Variants in SUGCT observed in about 807,000 individuals in gnomAD.
The protein encoded by SUGCT is succinyl-CoA:glutarate-CoA transferase, also known as succinyl-CoA:glutarate CoA-transferase.
In SUGCT, 41 loss-of-function variants were observed where a neutral mutation model predicts 55.0. The ratio of observed to expected loss-of-function variants is 0.74; its 90% CI spans 0.58 to 0.97. The LOEUF is 0.97. SUGCT is among the 50% of genes least tolerant of loss of function. The pLI, the probability that SUGCT is intolerant of heterozygous loss-of-function variation, is 0.00. For synonymous variants in SUGCT, 187 were observed against 200.4 expected (o/e 0.93, Z 0.56); for missense variants, 568 against 547.8 (o/e 1.04, Z -0.37).
intron 12 of SUGCT, among the ~76,000 whole-genome samples, chr7:40,623,376 A>G (rs1005988927): frequency 6.6e-6 from 1 of 152,220 alleles, no homozygotes; most frequent in Non-Finnish European, 1.5e-5. Context: ...GCTTTGGAAC[A>G]GGGAATTGTG....
At chr7:40,842,587 T>G (rs1005607398) in intron 13 of SUGCT, among the ~76,000 whole-genome samples, 4 of 152,216 alleles carry the variant, frequency 2.6e-5, no homozygotes, top group Non-Finnish European at 5.9e-5. Flanking sequence ...CTTCATTTAT[T>G]TGTTCATTTA....
At chr7:40,297,458 G>A (rs141455686) in intron 8 of SUGCT, among the ~76,000 whole-genome samples, 4 of 152,158 alleles carry the variant, frequency 2.6e-5, no homozygotes, top group African/African-American at 4.8e-5. Flanking sequence ...TGGCTGATTC[G>A]TAGAGTAGGC....
chr7:40,332,454 T>G (rs201597258), intron 9 of SUGCT, among the ~76,000 whole-genome samples: 3,074 of 125,240 alleles, frequency 0.025, 72 homozygotes, highest in African/African-American at 0.07. Flanking sequence ...TTTTTTTTTT[T>G]GTTTTTTTTT....
chr7:40,617,390 T>C (rs1303730740), intron 12 of SUGCT, among the ~76,000 whole-genome samples: 1 of 152,126 alleles, frequency 6.6e-6, no homozygotes, highest in Non-Finnish European at 1.5e-5. Context: ...TGTCTCCTTT[T>C]GACATATTTT....
chr7:40,947,484 G>A, the SUGCT span, among the ~76,000 whole-genome samples: 33 of 148,828 alleles, frequency 2.2e-4, no homozygotes, highest in African/African-American at 7.8e-4. Flanking sequence ...TTTTGCATGT[G>A]GGCCATACTT....
chr7:40,962,381 C>G, the SUGCT span, among the ~76,000 whole-genome samples: 7 of 152,132 alleles, frequency 4.6e-5, no homozygotes, highest in African/African-American at 1.7e-4. Context: ...CTCCAAGTCC[C>G]CACCTGACCC....
chr7:40,151,117 G>C (rs1394643152), intron 1 of SUGCT, among the ~76,000 whole-genome samples: 1 of 152,162 alleles, frequency 6.6e-6, no homozygotes, highest in African/African-American at 2.4e-5. Flanking sequence ...GCGTGCACCT[G>C]TAGTACCAGC....
At chr7:40,348,334 C>T (rs1797437495) in intron 9 of SUGCT, among the ~76,000 whole-genome samples, 1 of 152,228 alleles carries the variant, frequency 6.6e-6, no homozygotes, top group Non-Finnish European at 1.5e-5. Flanking sequence ...GAATTTTCTG[C>T]TCTGACCAGG....
intron 12 of SUGCT, among the ~76,000 whole-genome samples, chr7:40,696,013 TG>T (rs1784919511): frequency 6.6e-6 from 1 of 152,204 alleles, no homozygotes; most frequent in Admixed American, 6.5e-5. Context: ...AGAAAATGCT[TG>T]TCTACTTACT....
chr7:40,162,933 G>A (rs1325716275), intron 1 of SUGCT, among the ~76,000 whole-genome samples: 1 of 152,156 alleles, frequency 6.6e-6, no homozygotes, highest in Admixed American at 6.5e-5. Flanking sequence ...TCTTTATTGG[G>A]CAGGACTGGC....
rs56989808 is a variant in SUGCT, at chr7:40,316,955, G to GTTTTTTTTTTTTTTTTTTTTTTTTTTTT, written c.816+118_816+119insTTTTTTTTTTTTTTTTTTTTTTTTTTTT. On this transcript the variant is annotated intron_variant, in intron 9 of 13. Transcript: ENST00000335693. The stretch of plus-strand genomic sequence containing the variant: ...CTTTTTATACACAAATCCTTCAGCT[G>GTTTTTTTTTTTTTTTTTTTTTTTTTTTT]TTTTTTTTTTTTTTTTTTGTAATGT... 1.6e-4 allele frequency: 28 copies of GTTTTTTTTTTTTTTTTTTTTTTTTTTTT among 173,518 alleles called. 2 individuals are homozygous for GTTTTTTTTTTTTTTTTTTTTTTTTTTTT. The highest frequency in any genetic ancestry group is 4.6e-4 in the Admixed American group (5 of 10,836). The allele number at this position is 173,518 out of a possible 1,614,324, so 10.7% of individuals were successfully genotyped here.
At chr7:40,742,949 TTG>T (rs1787542904) in intron 12 of SUGCT, among the ~76,000 whole-genome samples, 1 of 152,176 alleles carries the variant, frequency 6.6e-6, no homozygotes, top group African/African-American at 2.4e-5. Context: ...TAGTAAGATA[TTG>T]TGTGTTTTAA....
intron 12 of SUGCT, among the ~76,000 whole-genome samples, chr7:40,748,359 G>T (rs1036083378): frequency 6.6e-6 from 1 of 152,012 alleles, no homozygotes; most frequent in African/African-American, 2.4e-5. Flanking sequence ...CTAGAAGCAG[G>T]ATAAAGATAG....
intron 13 of SUGCT, among the ~76,000 whole-genome samples, chr7:40,750,479 C>T (rs919224163): frequency 3.9e-5 from 6 of 152,132 alleles, no homozygotes; most frequent in Admixed American, 2.0e-4. Context: ...CTGCCAAACT[C>T]TTCAGTCACC....
rs560238225 is a variant in SUGCT, at chr7:40,573,389, C to G, written c.1089+77003C>G. ...AGTATCAGGGCACTAATGAGCTCTGCAGACATTTCAAATTCCTTTTCCTTC... is the reference window on the plus strand; with the variant it reads ...AGTATCAGGGCACTAATGAGCTCTGGAGACATTTCAAATTCCTTTTCCTTC... On this transcript the variant is annotated intron_variant, in intron 12 of 13. Transcript: ENST00000335693. Among the ~76,000 whole-genome samples the G allele has an allele frequency of 6.6e-5, 10 of 152,314 alleles. No homozygotes were observed. The South Asian group carries it at 2.1e-3, about 32-fold the overall frequency.
At chr7:40,705,824 G>A (rs555542037) in intron 12 of SUGCT, among the ~76,000 whole-genome samples, 2 of 152,172 alleles carry the variant, frequency 1.3e-5, no homozygotes, top group African/African-American at 2.4e-5. Flanking sequence ...GCACCCTGGC[G>A]GCTCCTTTCC....
At chr7:40,848,658 T>C (rs1793703244) in intron 13 of SUGCT, among the ~76,000 whole-genome samples, 1 of 152,160 alleles carries the variant, frequency 6.6e-6, no homozygotes, top group South Asian at 2.1e-4. Flanking sequence ...AGTAGTGATA[T>C]ATGGCGTTTC....
At chr7:40,246,084 C>T (rs1344040325) in intron 7 of SUGCT, among the ~76,000 whole-genome samples, 1 of 151,972 alleles carries the variant, frequency 6.6e-6, no homozygotes, top group Non-Finnish European at 1.5e-5. Context: ...AATATAGACA[C>T]CTTGGATAGA....
intron 12 of SUGCT, among the ~76,000 whole-genome samples, chr7:40,569,311 T>C (rs1003285839): frequency 1.3e-5 from 2 of 152,204 alleles, no homozygotes; most frequent in Non-Finnish European, 2.9e-5. Flanking sequence ...ACTGCTCCCC[T>C]GATCAGTAAT....
Sources: gnomAD v4.1 joint callset for allele counts (sites outside exome capture counted in the v4.1 genomes callset) on GRCh38, gnomAD v4.1.1 for gene constraint, MANE v1.5 for transcripts, NCBI Gene and HGNC (gene_info 2026-07-23, HGNC 2026-07-21) for gene names.